LRP2: variants seen among roughly 807,000 people sequenced by gnomAD.
LRP2 encodes LDL receptor related protein 2, also known as low-density lipoprotein receptor-related protein 2.
In LRP2, 172 loss-of-function variants were observed where a neutral mutation model predicts 531.0. The observed-to-expected ratio is 0.32, with a 90% confidence interval of 0.29 to 0.37. The LOEUF (loss-of-function observed/expected upper bound fraction) is 0.37. LRP2 is among the 10% of genes least tolerant of loss of function. The pLI is 1.00. For synonymous variants in LRP2, 1,992 were observed against 2,027.6 expected, an observed-to-expected ratio of 0.98 and a Z score of 0.47; for missense variants, 5,167 against 5,868.3, an observed-to-expected ratio of 0.88 and a Z score of 3.90.
intron 70 of LRP2, among the ~76,000 whole-genome samples, 198 bp from the exon 71 acceptor site, chr2:169,142,991 T>C (rs1014655182): frequency 2.0e-5 from 3 of 152,214 alleles, no homozygotes; most frequent in African/African-American, 7.2e-5. Context: ...AGTCCCTCTC[T>C]GGGCCCTCCA....
chr2:169,306,757 A>G (rs1239722217), intron 4 of LRP2, among the ~76,000 whole-genome samples: 1 of 152,174 alleles, frequency 6.6e-6, no homozygotes, highest in African/African-American at 2.4e-5. Flanking sequence ...ATATTTATAC[A>G]TTATACATAG....
intron 16 of LRP2, among the ~76,000 whole-genome samples, chr2:169,268,951 C>T (rs976727914): frequency 5.3e-5 from 8 of 152,236 alleles, no homozygotes; most frequent in African/African-American, 1.4e-4. Flanking sequence ...CATTCCTATA[C>T]ACCAATAACA....
In LRP2 at chr2:169,132,242, C is replaced by T. The variant is rs539085333; in HGVS notation, c.13728+332G>A. Among the ~76,000 whole-genome samples, 7 of 152,212 alleles carry T rather than the reference C, an allele frequency of 4.6e-5. No homozygotes were observed. The South Asian group carries it at 6.2e-4, about 14-fold the overall frequency. ...GATCTTTCATCTGTATCTTTGACACCGTGAAATCTTTATTCATACTGAGTC... is the reference window on the plus strand; with the variant it reads ...GATCTTTCATCTGTATCTTTGACACTGTGAAATCTTTATTCATACTGAGTC... On this transcript the variant is annotated intron_variant, in intron 77 of 78. Coordinates refer to ENST00000649046, the MANE Select transcript of LRP2 (RefSeq NM_004525.3).
chr2:169,327,762 G>A (rs1283541246), intron 1 of LRP2, among the ~76,000 whole-genome samples: 6 of 122,502 alleles, frequency 4.9e-5, no homozygotes, highest in Admixed American at 3.0e-4. Flanking sequence ...AGGTGGGGGG[G>A]TCAGCCCCCC....
chr2:169,154,720 G>T, intron 65 of LRP2, 117 bp from the exon 66 acceptor site: 4 of 897,808 alleles, frequency 4.5e-6, no homozygotes, highest in Non-Finnish European at 5.5e-6. Context: ...GTTTTTATAG[G>T]AATCTGACTA....
rs747971210 is a variant in LRP2 at position 169,140,444 on chromosome 2, T to C, written c.13199+11A>G. 3.9e-5 allele frequency: 63 copies of C among 1,610,870 alleles called. No individual in the cohort carries two copies. Among genetic ancestry groups the C allele is most frequent in the Non-Finnish European group, 5.0e-5 (59 of 1,177,138 alleles). The stretch of plus-strand genomic sequence containing the variant: ...AAGGCCTATAGCTGGGACCTCAACA[T>C]TCAGACTTACTTGCATTTGGGGAGG... On this transcript the variant is annotated intron_variant, in intron 72 of 78. Coordinates refer to ENST00000649046, the MANE Select transcript of LRP2 (RefSeq NM_004525.3).
chr2:169,335,591 G>A (rs1363156105), intron 1 of LRP2, among the ~76,000 whole-genome samples: 1 of 152,150 alleles, frequency 6.6e-6, no homozygotes, highest in Non-Finnish European at 1.5e-5. Flanking sequence ...ATAGCAGGAG[G>A]ATCTCTTAAG....
Position 169,191,970 on chromosome 2 carries a change from C to G in LRP2, c.8894G>C (p.Cys2965Ser), listed in dbSNP as rs767625718. The part of the protein sequence containing the change: ...CVNDRPPDRR[C>S]IPQSWVCDGD... The stretch of plus-strand genomic sequence containing the variant: ...ATCACAGACCCAAGACTGGGGAATG[C>G]ACCTCCTGTCCGGAGGTCTGTCATT... Residue 2965 changes from cysteine to serine, a missense_variant, in exon 48 of 79, where the codon TGC becomes TCC. Cys to Ser is a moderately radical substitution (Grantham distance 112). Around this residue, in one of 6 missense-constraint regions of LRP2, gnomAD observed 1,129 missense variants for 1,362.7 expected, o/e 0.83. Transcript: ENST00000649046. 1 of 1,614,166 alleles carries G rather than the reference C, an allele frequency of 6.2e-7. No homozygotes were observed. The highest frequency in any genetic ancestry group is 1.1e-5 in the South Asian group (1 of 91,074).
At chr2:169,342,726 T>G (rs1282204629) in intron 1 of LRP2, among the ~76,000 whole-genome samples, 1 of 152,190 alleles carries the variant, frequency 6.6e-6, no homozygotes, top group Non-Finnish European at 1.5e-5. Context: ...CCTCTCACCC[T>G]GTAGCACAAT....
chr2:169,274,933 ACC>A (rs1165844580), intron 14 of LRP2, 101 bp downstream of exon 14: 1 of 1,143,016 alleles, frequency 8.7e-7, no homozygotes, highest in East Asian at 2.4e-5. Context: ...TGAGAATGCC[ACC>A]CAAATCACAT....
chr2:169,205,905 A>G (rs1688367677), intron 40 of LRP2, 118 bp downstream of exon 40: 4 of 1,343,750 alleles, frequency 3.0e-6, no homozygotes, highest in Non-Finnish European at 3.2e-6. Flanking sequence ...TCATTTTTGA[A>G]TCTGTAGCCA....
Position 169,246,952 on chromosome 2 carries a change from G to A in LRP2, c.2943C>T (p.Asn981=), listed in dbSNP as rs139839747. ...SNACNQPTHP[N]GDCSHFCFPV... Reference sequence around the variant, plus strand: ...GGAAGCAGAAGTGGCTGCAGTCACCGTTAGGATGCGTGGGTTGATTACAGG... The same window carrying A: ...GGAAGCAGAAGTGGCTGCAGTCACCATTAGGATGCGTGGGTTGATTACAGG... Residue 981 remains asparagine (N), a synonymous_variant, in exon 21 of 79, where the codon AAC becomes AAT. Transcript: ENST00000649046. 39 of 1,614,082 alleles carry A rather than the reference G, an allele frequency of 2.4e-5. No individual in the cohort carries two copies. The highest frequency in any genetic ancestry group is 3.3e-4 in the Middle Eastern group (2 of 6,084).
At chr2:169,216,705 A>G (rs1046785453) in intron 34 of LRP2, among the ~76,000 whole-genome samples, 1 of 152,176 alleles carries the variant, frequency 6.6e-6, no homozygotes, top group Non-Finnish European at 1.5e-5. Context: ...AACTTTTAGC[A>G]TGGTCAGGTG....
chr2:169,139,821 T>C (rs1216525265), intron 72 of LRP2, among the ~76,000 whole-genome samples: 1 of 152,074 alleles, frequency 6.6e-6, no homozygotes, highest in Non-Finnish European at 1.5e-5. Context: ...TGTAATGGAG[T>C]AGCTGTGGCA....
At position 169,188,773 on chromosome 2, in the gene LRP2, T is replaced by C. The variant is rs371491002; in HGVS notation, c.9033-508A>G. Among the ~76,000 whole-genome samples, 91 of 152,246 alleles carry C rather than the reference T, an allele frequency of 6.0e-4. 1 individual carries two copies. Among genetic ancestry groups the C allele is most frequent in the African/African-American group, 2.0e-3 (83 of 41,550 alleles). Reference sequence around the variant, plus strand: ...GTGCCCATACCCAAATGGAAACTCATAGGGTGAGTGCTATATATTATAAAT... The same window carrying C: ...GTGCCCATACCCAAATGGAAACTCACAGGGTGAGTGCTATATATTATAAAT... On this transcript the variant is annotated intron_variant, in intron 48 of 78. Coordinates refer to ENST00000649046, the MANE Select transcript of LRP2 (RefSeq NM_004525.3).
chr2:169,196,985 C>T lies in LRP2; in HGVS notation c.8624G>A (p.Arg2875His), dbSNP rs369195059. 2.5e-5 allele frequency: 41 copies of T among 1,614,076 alleles called. No individual in the cohort carries two copies. The Middle Eastern group carries it at 8.3e-4, about 33-fold the overall frequency. Residue 2875 changes from arginine to histidine, a missense_variant, in exon 46 of 79, where the codon CGC (arginine) becomes CAC (histidine). By Grantham distance (29) the Arg-to-His change is conservative (BLOSUM62 0). Transcript: ENST00000649046. ...SSSEFQCASG[R>H]CIPQHWYCDQ... ...ACAATACCAATGTTGAGGAATACAG[C>T]GCCCAGATGCGCATTGGAACTCACT...
At chr2:169,145,979 C>T in intron 69 of LRP2, 56 bp from the exon 70 acceptor site, 3 of 1,476,358 alleles carry the variant, frequency 2.0e-6, no homozygotes, top group South Asian at 2.3e-5. Context: ...AAAATACCCA[C>T]TACACCCTAC....
intron 33 of LRP2, among the ~76,000 whole-genome samples, chr2:169,221,423 C>T (rs906449713): frequency 2.0e-5 from 3 of 152,112 alleles, no homozygotes; most frequent in Non-Finnish European, 1.5e-5. Flanking sequence ...GTGATTATTA[C>T]TGTTATAATC....
At chr2:169,264,152 A>G (rs1056215852) in intron 16 of LRP2, among the ~76,000 whole-genome samples, 5 of 152,112 alleles carry the variant, frequency 3.3e-5, no homozygotes, top group Admixed American at 2.6e-4. Flanking sequence ...CTAGATGACG[A>G]GTTAGTGGGT....
Sources: gnomAD v4.1 joint callset for allele counts (sites outside exome capture counted in the v4.1 genomes callset) on GRCh38, gnomAD v4.1.1 for gene constraint, gnomAD v4.1.1 regional missense constraint, MANE v1.5 for transcripts, NCBI Gene and HGNC (gene_info 2026-07-23, HGNC 2026-07-21) for gene names.